The following ATRNL1 variants were observed in gnomAD, a reference collection of about 807,000 sequenced individuals.
ATRNL1 encodes the protein attractin like 1.
ATRNL1 carries 95 observed loss-of-function variants against 182.7 expected under a neutral mutation model. That is an observed-to-expected ratio of 0.52 (90% CI 0.44 to 0.62). The LOEUF is 0.62. Among genes scored for constraint, ATRNL1 ranks in the 20% least tolerant of loss-of-function variants. The probability of loss-of-function intolerance (pLI) is 0.00; values close to 1 mark genes in which losing one functional copy is unlikely to be tolerated. For synonymous variants in ATRNL1, 576 were observed against 568.3 expected (o/e 1.01, Z -0.19); for missense variants, 1,471 against 1,679.5 (o/e 0.88, Z 2.17).
At chr10:115,212,610 A>G (rs1004832662) in intron 8 of ATRNL1, among the ~76,000 whole-genome samples, 18 of 152,116 alleles carry the variant, frequency 1.2e-4, no homozygotes, top group African/African-American at 3.9e-4. Context: ...ATGCCCATCA[A>G]TGATAGACTG....
At chr10:115,382,056 A>G (rs1858045313) in intron 19 of ATRNL1, among the ~76,000 whole-genome samples, 2 of 152,136 alleles carry the variant, frequency 1.3e-5, no homozygotes, top group Admixed American at 6.5e-5. Flanking sequence ...CCATTTATAC[A>G]CAATTTATAT....
At position 115,120,212 on chromosome 10, in the gene ATRNL1, A is replaced by T. The variant is rs1161749455; in HGVS notation, c.321A>T (p.Thr107=). The T allele has an allele frequency of 6.4e-7, 1 of 1,574,320 alleles. No individual in the cohort carries two copies. Among genetic ancestry groups the T allele is most frequent in the Non-Finnish European group, 8.7e-7 (1 of 1,147,244 alleles). Residue 107 remains threonine (T), a synonymous_variant, in exon 2 of 29, where the codon ACA becomes ACT. Transcript: ENST00000355044. The part of the protein sequence containing the change: ...FKLTEPSGYL[T]DGPINYKYKT... ...TAACAGAACCTTCTGGATATTTAAC[A>T]GATGGCCCAATTAACTATAAATATA...
At chr10:115,495,952 T>C (rs1054807549) in intron 24 of ATRNL1, among the ~76,000 whole-genome samples, 1 of 152,206 alleles carries the variant, frequency 6.6e-6, no homozygotes, top group Non-Finnish European at 1.5e-5. Flanking sequence ...TGTGTGGTTA[T>C]GTACATCTGT....
At chr10:115,623,017 AATTT>A (rs1397770308) in intron 26 of ATRNL1, among the ~76,000 whole-genome samples, 1 of 152,220 alleles carries the variant, frequency 6.6e-6, no homozygotes, top group Non-Finnish European at 1.5e-5. Flanking sequence ...AATAAATTAT[AATTT>A]ATAATTATCT....
chr10:115,276,760 G>A (rs1199978925), intron 13 of ATRNL1, among the ~76,000 whole-genome samples: 1 of 152,132 alleles, frequency 6.6e-6, no homozygotes, highest in Non-Finnish European at 1.5e-5. Context: ...TCATAAGCGT[G>A]TCTGGTTCAT....
At chr10:115,712,646 C>A (rs1555054844) in intron 26 of ATRNL1, among the ~76,000 whole-genome samples, 1 of 152,104 alleles carries the variant, frequency 6.6e-6, no homozygotes, top group Non-Finnish European at 1.5e-5. Flanking sequence ...GCAGGTGGAT[C>A]ACTTGAGGTC....
Position 115,215,386 on chromosome 10 carries a change from A to T in ATRNL1, c.1349-311A>T, listed in dbSNP as rs186858227. 0.02 allele frequency among the ~76,000 whole-genome samples: 3,091 copies of T among 152,176 alleles called. 39 individuals are homozygous for T. The highest frequency in any genetic ancestry group is 0.054 in the Middle Eastern group (16 of 294). On this transcript the variant is annotated intron_variant, in intron 8 of 28. Transcript: ENST00000355044. ...TAGGCTCTCAAAATATTTGTTAAAA[A>T]TTTTTTTCAGAGCTATTTATGTAAT... is the stretch of plus-strand genomic sequence containing the variant.
At chr10:115,806,742 A>G (rs1409159909) in intron 27 of ATRNL1, among the ~76,000 whole-genome samples, 1 of 152,164 alleles carries the variant, frequency 6.6e-6, no homozygotes, top group Admixed American at 6.6e-5. Context: ...TGGCTCTGCC[A>G]TTACTAGCAT....
chr10:115,412,300 A>G (rs1439650357), intron 20 of ATRNL1, among the ~76,000 whole-genome samples: 1 of 152,142 alleles, frequency 6.6e-6, no homozygotes, highest in Non-Finnish European at 1.5e-5. Context: ...CTGAGGGAAA[A>G]TAGAAGCAGG....
intron 25 of ATRNL1, among the ~76,000 whole-genome samples, chr10:115,539,761 C>T (rs2133780745): frequency 6.6e-6 from 1 of 152,164 alleles, no homozygotes; most frequent in South Asian, 2.1e-4. Context: ...AACCACAATC[C>T]CAAGGGAAGG....
chr10:115,622,319 CTCAGGAGTCCATA>C (rs1857820812), intron 26 of ATRNL1, among the ~76,000 whole-genome samples: 1 of 152,206 alleles, frequency 6.6e-6, no homozygotes, highest in Non-Finnish European at 1.5e-5. Context: ...AAGGGCTTAT[CTCAGGAGTCCATA>C]CCAGTTCATT....
At chr10:115,297,650 T>TA (rs5788102) in intron 15 of ATRNL1, among the ~76,000 whole-genome samples, 1,993 of 116,046 alleles carry the variant, frequency 0.017, 37 homozygotes, top group African/African-American at 0.048. Context: ...GACTCCGTCT[T>TA]AAAAAAAAAA....
intron 18 of ATRNL1, 34 bp downstream of exon 18, chr10:115,315,770 C>A (rs1350587727): frequency 6.5e-7 from 1 of 1,545,770 alleles, no homozygotes; most frequent in Non-Finnish European, 8.9e-7. Flanking sequence ...ATTTCAGTTT[C>A]TGCTTAAGGG....
chr10:115,712,385 T>C (rs2134019445), intron 26 of ATRNL1, among the ~76,000 whole-genome samples: 1 of 152,294 alleles, frequency 6.6e-6, no homozygotes, highest in South Asian at 2.1e-4. Flanking sequence ...CAGTGGTATC[T>C]AAGGAAAGAA....
chr10:115,470,969 G>T (rs1005741684), intron 24 of ATRNL1, among the ~76,000 whole-genome samples: 1 of 150,378 alleles, frequency 6.6e-6, no homozygotes. Context: ...TTTAAATACT[G>T]GCAGCCATCA....
intron 26 of ATRNL1, among the ~76,000 whole-genome samples, chr10:115,576,499 T>A (rs573578380): frequency 3.3e-5 from 5 of 152,082 alleles, no homozygotes; most frequent in Non-Finnish European, 7.4e-5. Context: ...TGTTGAGCAC[T>A]TTTCCATATA....
intron 26 of ATRNL1, among the ~76,000 whole-genome samples, chr10:115,591,737 T>G (rs1855918178): frequency 6.6e-6 from 1 of 152,186 alleles, no homozygotes; most frequent in South Asian, 2.1e-4. Context: ...GGAATCTCAC[T>G]TATTTCAGCC....
chr10:115,331,365 G>C (rs10885692), intron 18 of ATRNL1, among the ~76,000 whole-genome samples: 32,059 of 152,050 alleles, frequency 0.21, 4,287 homozygotes, highest in Non-Finnish European at 0.3. Context: ...TGTGAGGCCT[G>C]CATTTTTCCT....
intron 27 of ATRNL1, among the ~76,000 whole-genome samples, chr10:115,739,222 C>T (rs1159894890): frequency 6.6e-6 from 1 of 152,172 alleles, no homozygotes; most frequent in African/African-American, 2.4e-5. Context: ...TACTGGCTGC[C>T]ATTCAAGAGA....
Sources: allele counts gnomAD v4.1 joint callset (sites outside exome capture counted in the v4.1 genomes callset), GRCh38; gene constraint gnomAD v4.1.1; transcripts MANE v1.5; gene names NCBI Gene and HGNC (gene_info 2026-07-23, HGNC 2026-07-21).